The following PPP2R3A variants were observed in gnomAD, a reference collection of about 807,000 sequenced individuals.
The protein encoded by PPP2R3A is protein phosphatase 2 regulatory subunit B''alpha.
Under a neutral mutation model 106.9 loss-of-function variants are expected in PPP2R3A, and 80 were observed. That is an observed-to-expected ratio of 0.75 (90% CI 0.62 to 0.90). The LOEUF is 0.90. Among genes scored for constraint, PPP2R3A ranks in the 40% least tolerant of loss-of-function variants. The probability of loss-of-function intolerance (pLI) is 0.00; values close to 1 mark genes in which losing one functional copy is unlikely to be tolerated. For synonymous variants in PPP2R3A, 483 were observed against 468.3 expected (o/e 1.03, Z -0.41); for missense variants, 1,386 against 1,350.4 (o/e 1.03, Z -0.41).
intron 13 of PPP2R3A, among the ~76,000 whole-genome samples, chr3:136,143,305 A>G (rs913120518): frequency 6.6e-6 from 1 of 152,212 alleles, no homozygotes; most frequent in Non-Finnish European, 1.5e-5. Flanking sequence ...CCTGGCCAAC[A>G]TGGCGAAACC....
intron 13 of PPP2R3A, among the ~76,000 whole-genome samples, chr3:136,113,025 C>T (rs552608807): frequency 2.6e-5 from 4 of 151,658 alleles, no homozygotes; most frequent in South Asian, 4.2e-4. Context: ...GCCAGCTACT[C>T]GGGAGGCTGA....
intron 13 of PPP2R3A, among the ~76,000 whole-genome samples, chr3:136,117,071 G>A (rs771741342): frequency 6.6e-5 from 10 of 152,050 alleles, no homozygotes; most frequent in Non-Finnish European, 1.5e-4. Context: ...ATTAGAACTC[G>A]GGATTAAGAA....
intron 13 of PPP2R3A, among the ~76,000 whole-genome samples, chr3:136,143,057 AAACAAGAATGG>A (rs1430780392): frequency 6.6e-6 from 1 of 152,264 alleles, no homozygotes; most frequent in Non-Finnish European, 1.5e-5. Flanking sequence ...AGAGGAGTGG[AAACAAGAATGG>A]AATGGAATAT....
chr3:136,053,010 T>G (rs7625607), intron 5 of PPP2R3A, among the ~76,000 whole-genome samples: 92,767 of 152,096 alleles, frequency 0.61, 29,158 homozygotes, highest in African/African-American at 0.73. Flanking sequence ...GCCATTATCC[T>G]TAGCAAACTA....
intron 5 of PPP2R3A, among the ~76,000 whole-genome samples, chr3:136,062,115 G>A (rs958372376): frequency 6.6e-6 from 1 of 152,108 alleles, no homozygotes; most frequent in African/African-American, 2.4e-5. Flanking sequence ...CTAGTAATTA[G>A]GAATGAGGTT....
At chr3:136,014,533 C>T (rs2107805983) in intron 2 of PPP2R3A, among the ~76,000 whole-genome samples, 1 of 152,208 alleles carries the variant, frequency 6.6e-6, no homozygotes, top group Non-Finnish European at 1.5e-5. Context: ...AGAGGTCTTT[C>T]ACCTCCTCGG....
intron 3 of PPP2R3A, among the ~76,000 whole-genome samples, chr3:136,034,063 A>ATC (rs1935001439): frequency 7.0e-6 from 1 of 142,314 alleles, no homozygotes; most frequent in Non-Finnish European, 1.5e-5. Flanking sequence ...TTGAGACAGA[A>ATC]TCTCTCTCTG....
At chr3:136,131,174 C>G (rs1576334708) in intron 13 of PPP2R3A, among the ~76,000 whole-genome samples, 2 of 152,122 alleles carry the variant, frequency 1.3e-5, no homozygotes, top group South Asian at 4.1e-4. Flanking sequence ...TCTAATTAAA[C>G]TAAAGAGCTT....
intron 3 of PPP2R3A, among the ~76,000 whole-genome samples, chr3:136,032,865 ATTTC>A (rs1276023200): frequency 6.6e-6 from 1 of 151,990 alleles, no homozygotes; most frequent in Admixed American, 6.6e-5. Flanking sequence ...GGTGCCCTTT[ATTTC>A]TTTCTCTTGT....
Position 136,049,332 on chromosome 3 carries a change from G to C in PPP2R3A, c.2440G>C (p.Glu814Gln), listed in dbSNP as rs187763076. The change falls in exon 5 of 14, where the codon GAA becomes CAA. Residue 814 changes from glutamate to glutamine, a missense_variant. Transcript: ENST00000264977. Reference protein sequence around the residue: ...LLAKPNCSSLEQEDFIPLLQD... With the variant: ...LLAKPNCSSLQQEDFIPLLQD... ...AGCAAAGCCCAACTGCAGCTCTCTAGAACAGGAGGATTTCATCCCTCTACT... is the reference window on the plus strand; with the variant it reads ...AGCAAAGCCCAACTGCAGCTCTCTACAACAGGAGGATTTCATCCCTCTACT... 7.4e-6 allele frequency: 12 copies of C among 1,613,096 alleles called. No individual in the cohort carries two copies.
chr3:136,087,859 A>G, intron 8 of PPP2R3A, 24 bp from the exon 9 acceptor site: 2 of 1,590,804 alleles, frequency 1.3e-6, no homozygotes, highest in Non-Finnish European at 1.7e-6. Flanking sequence ...CTAGCTTTGC[A>G]ATTTTTTTTT....
chr3:136,006,850 C>T (rs949078537), intron 2 of PPP2R3A, among the ~76,000 whole-genome samples: 1 of 152,172 alleles, frequency 6.6e-6, no homozygotes, highest in African/African-American at 2.4e-5. Context: ...TGATCAAGGG[C>T]AACAAAAATT....
At chr3:136,023,601 A>G (rs141031089) in intron 2 of PPP2R3A, among the ~76,000 whole-genome samples, 2 of 152,270 alleles carry the variant, frequency 1.3e-5, no homozygotes, top group Non-Finnish European at 2.9e-5. Context: ...GAATCAATAG[A>G]TTATATATTA....
At chr3:136,013,180 G>GTGTGTGTA (rs1160060556) in intron 2 of PPP2R3A, among the ~76,000 whole-genome samples, 291 of 142,268 alleles carry the variant, frequency 2.0e-3, no homozygotes, top group African/African-American at 6.7e-3. Context: ...GTGTGTGTGT[G>GTGTGTGTA]TGTATGTATG....
intron 1 of PPP2R3A, among the ~76,000 whole-genome samples, chr3:135,993,209 T>C (rs1933248998): frequency 6.6e-6 from 1 of 152,256 alleles, no homozygotes; most frequent in Non-Finnish European, 1.5e-5. Context: ...ATATATGTAA[T>C]GAACTCTTAG....
intron 13 of PPP2R3A, among the ~76,000 whole-genome samples, chr3:136,143,726 G>A (rs184631981): frequency 5.2e-4 from 79 of 152,262 alleles, no homozygotes; most frequent in African/African-American, 1.8e-3. Context: ...GGGAGGCAGA[G>A]GTTGCAATGA....
At position 136,135,032 on chromosome 3, in the gene PPP2R3A, A is replaced by G. The variant is rs145044172; in HGVS notation, c.3330-10011A>G. Among the ~76,000 whole-genome samples, 606 of 152,336 alleles carry G rather than the reference A, an allele frequency of 4.0e-3. 5 individuals carry two copies. Among genetic ancestry groups the G allele is most frequent in the African/African-American group, 0.012 (492 of 41,574 alleles). ...GAGAAACTAGTGGCATCTAAAGAGA[A>G]TAAATAATTGGCTCAAGCGAAAGTT... On this transcript the variant is annotated intron_variant, in intron 13 of 13. Transcript: ENST00000264977.
chr3:135,985,399 C>CCTCTCTCT (rs908975178), intron 1 of PPP2R3A, among the ~76,000 whole-genome samples: 5 of 125,854 alleles, frequency 4.0e-5, no homozygotes, highest in African/African-American at 1.4e-4. Context: ...TCCCTCTCTC[C>CCTCTCTCT]CTCTCTCTCT....
intron 12 of PPP2R3A, 68 bp from the exon 13 acceptor site, chr3:136,106,148 G>T: frequency 7.7e-7 from 1 of 1,303,358 alleles, no homozygotes. Flanking sequence ...ACATTTGTGT[G>T]ATGATCTATC....
Sources: allele counts gnomAD v4.1 joint callset (sites outside exome capture counted in the v4.1 genomes callset), GRCh38; gene constraint gnomAD v4.1.1; transcripts MANE v1.5; gene names NCBI Gene and HGNC (gene_info 2026-07-23, HGNC 2026-07-21).